The following NUDCD3 variants were observed in gnomAD, a reference collection of about 807,000 sequenced individuals.
The protein encoded by NUDCD3 is NudC domain containing 3.
A neutral mutation model predicts 39.7 loss-of-function variants in NUDCD3; 13 were observed. That is an observed-to-expected ratio of 0.33 (90% CI 0.21 to 0.52). NUDCD3 has a LOEUF of 0.52. Ranked by LOEUF, NUDCD3 falls within the 20% of genes least tolerant of loss-of-function variation. The probability of loss-of-function intolerance (pLI) is 0.96; values close to 1 mark genes in which losing one functional copy is unlikely to be tolerated. For missense variants in NUDCD3, 453 were observed against 458.1 expected, an observed-to-expected ratio of 0.99 and a Z score of 0.10; for synonymous variants, 175 against 172.4, an observed-to-expected ratio of 1.02 and a Z score of -0.12.
chr7:44,449,295 C>G (rs541218067), intron 2 of NUDCD3, among the ~76,000 whole-genome samples: 14 of 152,274 alleles, frequency 9.2e-5, no homozygotes, highest in African/African-American at 3.1e-4. Flanking sequence ...CGAAAAGGGA[C>G]AGTTGATGGC....
At chr7:44,441,038 GA>G (rs908247987) in intron 2 of NUDCD3, among the ~76,000 whole-genome samples, 1 of 152,056 alleles carries the variant, frequency 6.6e-6, no homozygotes, top group Non-Finnish European at 1.5e-5. Context: ...CACCAACTTT[GA>G]AAAGCAAATA....
At chr7:44,418,180 A>C (rs1303069651) in intron 3 of NUDCD3, among the ~76,000 whole-genome samples, 1 of 152,214 alleles carries the variant, frequency 6.6e-6, no homozygotes, top group African/African-American at 2.4e-5. Context: ...ACTCAGCTCC[A>C]GGCCAGCCTG....
At chr7:44,459,622 A>G (rs900069231) in intron 2 of NUDCD3, among the ~76,000 whole-genome samples, 1 of 152,222 alleles carries the variant, frequency 6.6e-6, no homozygotes, top group Non-Finnish European at 1.5e-5. Flanking sequence ...AATTTTCCAA[A>G]TTACTTTTGT....
At position 44,453,916 on chromosome 7, in the gene NUDCD3, G is replaced by A. The variant is rs118111159; in HGVS notation, c.510-26213C>T. On this transcript the variant is annotated intron_variant, in intron 2 of 5. Coordinates refer to ENST00000355451, the MANE Select transcript of NUDCD3 (RefSeq NM_015332.4). ...ACATTAGCTGAGGGTGGTGGTGCAT[G>A]TCTGTGCTTCCAGCTACTTGGGAGG... is the stretch of plus-strand genomic sequence containing the variant. Among the ~76,000 whole-genome samples the A allele has an allele frequency of 3.0e-3, 457 of 152,296 alleles. 2 individuals carry two copies. The highest frequency in any genetic ancestry group is 5.0e-3 in the Non-Finnish European group (339 of 68,010).
rs1466587544 is a variant in NUDCD3 at position 44,382,320 on chromosome 7, AC to A, written c.*3690del. ...AATTTACCCATGTAACAACCCTTGA[AC>A]CTAAAGTTGGAAAGAAAAAAAAAGG... On this transcript the variant is annotated 3_prime_UTR_variant, in exon 6 of 6. Coordinates refer to ENST00000355451, the MANE Select transcript of NUDCD3 (RefSeq NM_015332.4). 2 of 152,002 alleles carry A rather than the reference AC, an allele frequency of 1.3e-5. No homozygotes were observed. The highest frequency in any genetic ancestry group is 2.9e-5 in the Non-Finnish European group (2 of 67,992). 9.4% of individuals were successfully genotyped at this position (152,002 alleles called of 1,614,324 possible). A position where few individuals can be genotyped will look rare whatever the true frequency, so the allele number is the denominator to read the frequency against.
At chr7:44,399,579 C>A (rs1798683817) in intron 4 of NUDCD3, among the ~76,000 whole-genome samples, 1 of 152,144 alleles carries the variant, frequency 6.6e-6, no homozygotes, top group Non-Finnish European at 1.5e-5. Context: ...TTTATCCTCA[C>A]AATTGTTCTA....
At chr7:44,465,046 C>T (rs999758154) in intron 2 of NUDCD3, among the ~76,000 whole-genome samples, 1 of 152,166 alleles carries the variant, frequency 6.6e-6, no homozygotes, top group African/African-American at 2.4e-5. Context: ...GTGCTCTGCT[C>T]CACCTCAGCA....
At chr7:44,442,894 G>A (rs1195730703) in intron 2 of NUDCD3, among the ~76,000 whole-genome samples, 1 of 151,914 alleles carries the variant, frequency 6.6e-6, no homozygotes, top group East Asian at 1.9e-4. Flanking sequence ...AGTAGAGAAG[G>A]GGTTTCACCG....
At chr7:44,399,441 A>G (rs1036774193) in intron 4 of NUDCD3, among the ~76,000 whole-genome samples, 2 of 152,160 alleles carry the variant, frequency 1.3e-5, no homozygotes, top group African/African-American at 2.4e-5. Context: ...TGTAGTTCCC[A>G]CTCTGAGTTT....
chr7:44,395,968 T>A (rs1798615950), intron 4 of NUDCD3, among the ~76,000 whole-genome samples: 1 of 152,174 alleles, frequency 6.6e-6, no homozygotes, highest in Admixed American at 6.5e-5. Context: ...ATTCTACAGT[T>A]AACTTTTTGA....
intron 3 of NUDCD3, chr7:44,425,999 A>G (rs1387367837): frequency 5.9e-6 from 2 of 337,842 alleles, no homozygotes; most frequent in Non-Finnish European, 8.4e-6. Context: ...CAGTGGCGCA[A>G]TCGGTTAGCA....
chr7:44,470,863 A>G (rs1447513345), intron 2 of NUDCD3, among the ~76,000 whole-genome samples: 6 of 152,250 alleles, frequency 3.9e-5, no homozygotes, highest in Non-Finnish European at 7.3e-5. Flanking sequence ...TCAAAGTACA[A>G]CTCTGAGTTG....
chr7:44,458,110 A>C (rs1799938189), intron 2 of NUDCD3, among the ~76,000 whole-genome samples: 1 of 152,260 alleles, frequency 6.6e-6, no homozygotes, highest in South Asian at 2.1e-4. Context: ...GTATGTCCAT[A>C]CAATAAAATA....
At chr7:44,412,861 A>G (rs1798954025) in intron 3 of NUDCD3, among the ~76,000 whole-genome samples, 1 of 144,004 alleles carries the variant, frequency 6.9e-6, no homozygotes, top group South Asian at 2.3e-4. Context: ...CAGGGGGCGG[A>G]GCTTGCAGTG....
chr7:44,480,857 G>A (rs772625742), intron 2 of NUDCD3, among the ~76,000 whole-genome samples: 12 of 147,898 alleles, frequency 8.1e-5, no homozygotes, highest in African/African-American at 3.0e-4. Flanking sequence ...TGGGAGGCTC[G>A]CTTGAGCTCA....
chr7:44,422,993 A>G (rs1274188758), intron 3 of NUDCD3, among the ~76,000 whole-genome samples: 1 of 152,222 alleles, frequency 6.6e-6, no homozygotes, highest in Non-Finnish European at 1.5e-5. Context: ...CAACATATGA[A>G]AATCAATAAA....
chr7:44,410,134 A>C (rs1368889292), intron 3 of NUDCD3, among the ~76,000 whole-genome samples: 1 of 152,216 alleles, frequency 6.6e-6, no homozygotes, highest in Non-Finnish European at 1.5e-5. Flanking sequence ...CAAATTTGAC[A>C]TGAAAAAAAT....
chr7:44,450,761 T>C (rs567674886), intron 2 of NUDCD3, among the ~76,000 whole-genome samples: 1 of 152,254 alleles, frequency 6.6e-6, no homozygotes, highest in East Asian at 1.9e-4. Flanking sequence ...ACATATGGAA[T>C]AGCTATTCTA....
chr7:44,490,127 G>A (rs73107426), intron 1 of NUDCD3: 49,308 of 330,954 alleles, frequency 0.15, 4,464 homozygotes, highest in Non-Finnish European at 0.19. Flanking sequence ...CCTGACTAGC[G>A]GCCCCCAGCA....
Sources: allele counts gnomAD v4.1 joint callset (sites outside exome capture counted in the v4.1 genomes callset), GRCh38; gene constraint gnomAD v4.1.1; transcripts MANE v1.5; gene names NCBI Gene and HGNC (gene_info 2026-07-23, HGNC 2026-07-21).